The following ICA1 variants were observed in gnomAD, a reference collection of about 807,000 sequenced individuals.
ICA1 encodes the protein 69 kDa islet cell autoantigen.
A neutral mutation model predicts 71.0 loss-of-function variants in ICA1; 40 were observed. That is an observed-to-expected ratio of 0.56 (90% CI 0.44 to 0.73). ICA1 has a LOEUF of 0.73. ICA1 is among the 30% of genes least tolerant of loss of function. ICA1 has a pLI of 0.00. For synonymous variants in ICA1, 207 were observed against 209.5 expected (o/e 0.99, Z 0.10); for missense variants, 578 against 576.5 (o/e 1.00, Z -0.03).
chr7:8,251,282 T>A (rs1808103703), intron 1 of ICA1, among the ~76,000 whole-genome samples: 1 of 151,836 alleles, frequency 6.6e-6, no homozygotes, highest in Non-Finnish European at 1.5e-5. Flanking sequence ...GTTTAATGAC[T>A]CCCTAAAACT....
intron 6 of ICA1, among the ~76,000 whole-genome samples, chr7:8,213,122 C>A (rs928533890): frequency 6.6e-6 from 1 of 152,200 alleles, no homozygotes; most frequent in Non-Finnish European, 1.5e-5. Flanking sequence ...ACCCAAACAA[C>A]AGGCACACAA....
intron 6 of ICA1, among the ~76,000 whole-genome samples, chr7:8,188,866 A>G (rs933257734): frequency 6.6e-6 from 1 of 152,178 alleles, no homozygotes; most frequent in African/African-American, 2.4e-5. Flanking sequence ...CCTGTATTCT[A>G]TCTTTCAGTG....
chr7:8,154,528 C>T (rs749113934), intron 8 of ICA1, among the ~76,000 whole-genome samples: 5 of 152,192 alleles, frequency 3.3e-5, no homozygotes, highest in African/African-American at 7.2e-5. Context: ...CTTGGCAACC[C>T]TCTCTAAAGA....
chr7:8,166,030 T>C (rs981679877), intron 6 of ICA1, among the ~76,000 whole-genome samples: 2 of 152,138 alleles, frequency 1.3e-5, no homozygotes, highest in African/African-American at 4.8e-5. Flanking sequence ...TAAAATTTCA[T>C]ATAGAACCAA....
At chr7:8,143,777 A>T (rs1421776833) in intron 9 of ICA1, 98 bp downstream of exon 9, 1 of 737,334 alleles carries the variant, frequency 1.4e-6, no homozygotes, top group Admixed American at 2.3e-5. Flanking sequence ...GAAGTAAGAC[A>T]AGTCTGCGTC....
At chr7:8,176,898 A>G (rs980951273) in intron 6 of ICA1, among the ~76,000 whole-genome samples, 1 of 152,182 alleles carries the variant, frequency 6.6e-6, no homozygotes, top group South Asian at 2.1e-4. Context: ...TAAGCACTCA[A>G]CTGGCAGGGG....
intron 1 of ICA1, among the ~76,000 whole-genome samples, chr7:8,251,880 G>A (rs1808317223): frequency 6.6e-6 from 1 of 152,176 alleles, no homozygotes; most frequent in South Asian, 2.1e-4. Context: ...CACAAAAAGT[G>A]TGGTCTAGGT....
rs932277579 is a variant in ICA1, at chr7:8,223,518, C to T, written c.257-2120G>A. ...GGGCAGTGGAAAGAAGTGTGAGCTCCATCAGGGTCAAGGTTAGATTTTCTG... is the reference window on the plus strand; with the variant it reads ...GGGCAGTGGAAAGAAGTGTGAGCTCTATCAGGGTCAAGGTTAGATTTTCTG... On this transcript the variant is annotated intron_variant, in intron 4 of 13. Transcript: ENST00000402384. The surrounding 1 kb of genome is among the most constrained non-coding windows in gnomAD (Gnocchi z 4.1). 1.9e-5 allele frequency: 3 copies of T among 154,524 alleles called. No homozygotes were observed. Among genetic ancestry groups the T allele is most frequent in the Non-Finnish European group, 4.4e-5 (3 of 68,036 alleles). The allele number at this position is 154,524 out of a possible 1,614,324, so 9.6% of individuals were successfully genotyped here.
At chr7:8,137,831 C>T (rs764839924) in intron 12 of ICA1, among the ~76,000 whole-genome samples, 1 of 152,186 alleles carries the variant, frequency 6.6e-6, no homozygotes, top group African/African-American at 2.4e-5. Flanking sequence ...AAACTTTAAC[C>T]AATGTCCTCT....
At chr7:8,188,882 A>T (rs1784677705) in intron 6 of ICA1, among the ~76,000 whole-genome samples, 1 of 152,184 alleles carries the variant, frequency 6.6e-6, no homozygotes, top group Admixed American at 6.5e-5. Flanking sequence ...CAGTGACGCA[A>T]AGAGGAGGGC....
At chr7:8,229,929 G>A (rs550414988) in intron 3 of ICA1, among the ~76,000 whole-genome samples, 1 of 152,160 alleles carries the variant, frequency 6.6e-6, no homozygotes, top group African/African-American at 2.4e-5. Flanking sequence ...ATAGGAGCAA[G>A]GACGTTCAAA....
intron 13 of ICA1, among the ~76,000 whole-genome samples, chr7:8,120,010 T>G (rs890937872): frequency 6.6e-6 from 1 of 152,190 alleles, no homozygotes; most frequent in African/African-American, 2.4e-5. Flanking sequence ...AAAACACTCA[T>G]GAACCATACA....
intron 4 of ICA1, among the ~76,000 whole-genome samples, chr7:8,225,585 C>G (rs866872943): frequency 7.9e-5 from 12 of 152,202 alleles, no homozygotes; most frequent in African/African-American, 2.7e-4. Context: ...GTACTCACTG[C>G]TATGGAGCGT....
chr7:8,251,587 T>G (rs1192420479), intron 1 of ICA1, among the ~76,000 whole-genome samples: 1 of 151,564 alleles, frequency 6.6e-6, no homozygotes, highest in African/African-American at 2.4e-5. Flanking sequence ...GTTCTAAAAA[T>G]AGAGATGACT....
At chr7:8,261,261 C>G (rs1812237538) in intron 1 of ICA1, among the ~76,000 whole-genome samples, 2 of 152,130 alleles carry the variant, frequency 1.3e-5, no homozygotes, top group South Asian at 4.1e-4. Context: ...TTTTAAGACC[C>G]CAAAGAGAAG....
chr7:8,115,908 A>G (rs1312644680), intron 13 of ICA1, among the ~76,000 whole-genome samples: 2 of 152,230 alleles, frequency 1.3e-5, no homozygotes, highest in Non-Finnish European at 2.9e-5. Context: ...GGTGGTGGCA[A>G]TGGTATTTCT....
chr7:8,152,807 C>CACCACCACA (rs1799832140), intron 8 of ICA1, among the ~76,000 whole-genome samples: 3 of 148,600 alleles, frequency 2.0e-5, no homozygotes, highest in African/African-American at 5.1e-5. Flanking sequence ...CCACCACCAC[C>CACCACCACA]ACCACCATCT....
At chr7:8,141,908 T>G in intron 9 of ICA1, 91 bp from the exon 10 acceptor site, 1 of 1,322,830 alleles carries the variant, frequency 7.6e-7, no homozygotes, top group Non-Finnish European at 1.0e-6. Context: ...ACTTCACTTT[T>G]AACACAAACA....
At chr7:8,228,750 CAG>C (rs1305491583) in intron 3 of ICA1, 77 bp from the exon 4 acceptor site, 4 of 947,488 alleles carry the variant, frequency 4.2e-6, no homozygotes, top group Non-Finnish European at 3.2e-6. Flanking sequence ...TGAACACAAC[CAG>C]AGTGTTCAAT....
Sources: allele counts gnomAD v4.1 joint callset (sites outside exome capture counted in the v4.1 genomes callset), GRCh38; gene constraint gnomAD v4.1.1; non-coding constraint Gnocchi (gnomAD v3.1); transcripts MANE v1.5; gene names NCBI Gene and HGNC (gene_info 2026-07-23, HGNC 2026-07-21).